The following PCDHA2 variants were observed in gnomAD, a reference collection of about 807,000 sequenced individuals.
PCDHA2 encodes the protein protocadherin alpha-2.
PCDHA2 carries 58 observed loss-of-function variants against 66.0 expected under a neutral mutation model. That is an observed-to-expected ratio of 0.88 (90% CI 0.71 to 1.09). The LOEUF (loss-of-function observed/expected upper bound fraction) is 1.09. PCDHA2 is among the 50% of genes least tolerant of loss of function. The pLI is 0.00. For missense variants in PCDHA2, 1,267 were observed against 1,242.3 expected, an observed-to-expected ratio of 1.02 and a Z score of -0.30; for synonymous variants, 634 against 554.0, an observed-to-expected ratio of 1.14 and a Z score of -2.03.
chr5:140,807,525 C>T (rs367896801), intron 1 of PCDHA2: 9 of 1,613,934 alleles, frequency 5.6e-6, no homozygotes, highest in Non-Finnish European at 7.6e-6. Context: ...GTAGACAGGC[C>T]GCTGCAGGTT....
chr5:140,809,706 G>C, intron 1 of PCDHA2: 1 of 1,097,712 alleles, frequency 9.1e-7, no homozygotes, highest in Non-Finnish European at 1.3e-6. Flanking sequence ...TTTAACTAAA[G>C]TCTTTTGGAA....
rs374029572 is a variant in PCDHA2, at chr5:140,799,146, A to T, written c.2388+1794A>T. On this transcript the variant is annotated intron_variant, in intron 1 of 3. Coordinates refer to ENST00000526136, the MANE Select transcript of PCDHA2 (RefSeq NM_018905.3). Reference sequence around the variant, plus strand: ...ATTTTTTCTTGGTTGTCTAAGTGACATCTAGGTGGTAGTAGAAATTATTCA... The same window carrying T: ...ATTTTTTCTTGGTTGTCTAAGTGACTTCTAGGTGGTAGTAGAAATTATTCA... Among the ~76,000 whole-genome samples, 142 of 152,232 alleles carry T rather than the reference A, an allele frequency of 9.3e-4. 1 individual carries two copies. Among genetic ancestry groups the T allele is most frequent in the African/African-American group, 3.3e-3 (137 of 41,570 alleles).
At chr5:140,990,130 G>A (rs1448603304) in intron 3 of PCDHA2, among the ~76,000 whole-genome samples, 1 of 152,066 alleles carries the variant, frequency 6.6e-6, no homozygotes, top group Admixed American at 6.6e-5. Flanking sequence ...GTAGAAGTCA[G>A]ACTCAAGAGG....
At chr5:140,875,662 T>C (rs782787124) in intron 1 of PCDHA2, 32 of 1,613,752 alleles carry the variant, frequency 2.0e-5, no homozygotes, top group Non-Finnish European at 2.6e-5. Context: ...GCCGCGCCTG[T>C]TCCGGGTGGC....
intron 1 of PCDHA2, among the ~76,000 whole-genome samples, chr5:140,943,736 A>G (rs913454195): frequency 3.3e-5 from 5 of 152,266 alleles, no homozygotes; most frequent in Non-Finnish European, 7.3e-5. Context: ...ATGAAAGTCC[A>G]CAGTCTAAAA....
chr5:140,871,504 C>G (rs782640295), intron 1 of PCDHA2: 2 of 1,581,824 alleles, frequency 1.3e-6, no homozygotes, highest in African/African-American at 1.3e-5. Context: ...GGTGAGTTTT[C>G]TACAGATTCC....
chr5:140,882,169 C>A, intron 1 of PCDHA2: 1 of 1,511,484 alleles, frequency 6.6e-7, no homozygotes, highest in Non-Finnish European at 8.8e-7. Flanking sequence ...TCTTGCGAAT[C>A]CTTCCGCACT....
intron 1 of PCDHA2, chr5:140,869,708 G>C: frequency 9.3e-6 from 15 of 1,613,408 alleles, no homozygotes; most frequent in Non-Finnish European, 1.3e-5. Flanking sequence ...TCTCTGGATA[G>C]AGAGAAAACT....
chr5:140,836,844 T>A, intron 1 of PCDHA2: 1 of 827,256 alleles, frequency 1.2e-6, no homozygotes, highest in Non-Finnish European at 1.8e-6. Flanking sequence ...GCTTTATGTA[T>A]AATTATTATT....
At chr5:140,858,612 A>G (rs1554151880) in intron 1 of PCDHA2, 2 of 1,223,056 alleles carry the variant, frequency 1.6e-6, no homozygotes, top group Admixed American at 2.7e-5. Flanking sequence ...AAATTTTTTT[A>G]TCCTACCCAG....
intron 1 of PCDHA2, among the ~76,000 whole-genome samples, chr5:140,800,177 G>C (rs1762517897): frequency 6.6e-6 from 1 of 151,986 alleles, no homozygotes; most frequent in Non-Finnish European, 1.5e-5. Context: ...AAAGAGTGTG[G>C]AAAAATTAAA....
Position 140,917,790 on chromosome 5 carries a change from A to G in PCDHA2, c.2389-61159A>G, listed in dbSNP as rs540599117. The stretch of plus-strand genomic sequence containing the variant: ...GTATTAGTACCATGTTGTTTTGGTT[A>G]CTGTAGCCTTGCAGTATAGTTGAAG... On this transcript the variant is annotated intron_variant, in intron 1 of 3. Coordinates refer to ENST00000526136, the MANE Select transcript of PCDHA2 (RefSeq NM_018905.3). Among the ~76,000 whole-genome samples the G allele has an allele frequency of 4.6e-5, 7 of 152,046 alleles. No homozygotes were observed. In the East Asian group the frequency reaches 1.2e-3, roughly 25 times the overall value.
chr5:140,871,490 G>A (rs1554165680), intron 1 of PCDHA2: 1 of 1,590,548 alleles, frequency 6.3e-7, no homozygotes, highest in Admixed American at 1.8e-5. Context: ...AATCACCCCG[G>A]ACAGGTGAGT....
chr5:140,965,924 C>A (rs548082207), intron 1 of PCDHA2, among the ~76,000 whole-genome samples: 1 of 152,212 alleles, frequency 6.6e-6, no homozygotes, highest in Non-Finnish European at 1.5e-5. Context: ...TTTAGGCTTG[C>A]TCCCGGAAAG....
chr5:140,871,292 CGT>C (rs781959716), intron 1 of PCDHA2: 2 of 1,613,890 alleles, frequency 1.2e-6, no homozygotes, highest in Non-Finnish European at 1.7e-6. Flanking sequence ...ACTGAGGGCG[CGT>C]GCGCGCCGGG....
intron 3 of PCDHA2, among the ~76,000 whole-genome samples, chr5:140,983,182 C>T (rs782457174): frequency 6.6e-6 from 1 of 152,188 alleles, no homozygotes; most frequent in Non-Finnish European, 1.5e-5. Flanking sequence ...CTCACAATTT[C>T]TTAGTTTAGA....
intron 1 of PCDHA2, among the ~76,000 whole-genome samples, chr5:140,826,932 G>A (rs145132526): frequency 7.3e-4 from 111 of 152,266 alleles, no homozygotes; most frequent in African/African-American, 2.6e-3. Context: ...ATGGACTTAG[G>A]TGGATGTGGA....
intron 1 of PCDHA2, chr5:140,803,247 G>C: frequency 1.2e-6 from 2 of 1,613,830 alleles, no homozygotes; most frequent in Non-Finnish European, 1.7e-6. Flanking sequence ...CCAGGCGTCC[G>C]CTGGCGCCAC....
At chr5:140,904,436 T>C (rs1554191522) in intron 1 of PCDHA2, among the ~76,000 whole-genome samples, 1 of 151,240 alleles carries the variant, frequency 6.6e-6, no homozygotes, top group Admixed American at 6.6e-5. Flanking sequence ...TATATATGTA[T>C]ATTACAATTT....
Sources: allele counts gnomAD v4.1 joint callset (sites outside exome capture counted in the v4.1 genomes callset), GRCh38; gene constraint gnomAD v4.1.1; transcripts MANE v1.5; gene names NCBI Gene and HGNC (gene_info 2026-07-23, HGNC 2026-07-21).